The following OR14I1 variants were observed in gnomAD, a reference collection of about 807,000 sequenced individuals.
OR14I1 encodes olfactory receptor 14I1.
For synonymous variants in OR14I1, 118 were observed against 71.1 expected, an observed-to-expected ratio of 1.66 and a Z score of -3.32; for missense variants, 279 against 181.8, an observed-to-expected ratio of 1.53 and a Z score of -3.07.
At chr1:248,685,502 C>T (rs548695713), upstream of OR14I1, among the ~76,000 whole-genome samples, 13 of 152,224 alleles carry the variant, frequency 8.5e-5, no homozygotes, top group East Asian at 9.6e-4. Context: ...CCCGGGTTAG[C>T]TTGCTATCGG....
chr1:248,696,630 G>C, the OR14I1 span, among the ~76,000 whole-genome samples: 1 of 152,136 alleles, frequency 6.6e-6, no homozygotes, highest in African/African-American at 2.4e-5. Context: ...TTCTGTGTAA[G>C]TGTTTGGAAG....
the OR14I1 span, among the ~76,000 whole-genome samples, chr1:248,694,976 G>A: frequency 6.6e-6 from 1 of 152,116 alleles, no homozygotes; most frequent in African/African-American, 2.4e-5. Flanking sequence ...TGTGACTAAG[G>A]AACTGAATTT....
chr1:248,681,344 C>T, exon 1 of OR14I1: 10 of 637,610 alleles, frequency 1.6e-5, no homozygotes, highest in South Asian at 2.1e-5. Flanking sequence ...TGTTGCAGAT[C>T]TTCTATAGTA....
downstream of OR14I1, among the ~76,000 whole-genome samples, chr1:248,680,967 C>CGTGTGTGTGTGTGTGTGTGTGT (rs34495040): frequency 6.8e-6 from 1 of 147,108 alleles, no homozygotes; most frequent in African/African-American, 2.5e-5. Context: ...AAACTGTGTG[C>CGTGTGTGTGTGTGTGTGTGTGT]GTGTGTGTGT....
chr1:248,682,766 C>A (rs1029927708), upstream of OR14I1, among the ~76,000 whole-genome samples: 4 of 152,122 alleles, frequency 2.6e-5, no homozygotes, highest in Non-Finnish European at 5.9e-5. Context: ...ACATCCTGGG[C>A]AGAGTCAACT....
At chr1:248,686,629 A>G (rs1458397320), upstream of OR14I1, among the ~76,000 whole-genome samples, 1 of 149,506 alleles carries the variant, frequency 6.7e-6, no homozygotes, top group Non-Finnish European at 1.5e-5. Context: ...CTAAGAGAAC[A>G]ATTAAATCAC....
the OR14I1 span, chr1:248,698,817 AAGG>A: frequency 6.6e-6 from 1 of 152,352 alleles, no homozygotes; most frequent in East Asian, 1.9e-4. Flanking sequence ...GAGTATAAGG[AAGG>A]AGGAGGAGAG....
At chr1:248,682,029 A>G (rs774863224) in exon 1 of OR14I1, 4 of 780,950 alleles carry the variant, frequency 5.1e-6, no homozygotes, top group Non-Finnish European at 9.6e-6. Flanking sequence ...CACAGCCAAG[A>G]TAAGAGATGG....
At chr1:248,694,607 G>A in the OR14I1 span, among the ~76,000 whole-genome samples, 16 of 151,972 alleles carry the variant, frequency 1.1e-4, no homozygotes, top group South Asian at 4.1e-4. Flanking sequence ...GCCATATTCT[G>A]TCTATGGTGG....
At chr1:248,686,769 G>C (rs1661663092), upstream of OR14I1, among the ~76,000 whole-genome samples, 1 of 150,568 alleles carries the variant, frequency 6.6e-6, no homozygotes, top group South Asian at 2.1e-4. Flanking sequence ...GCAATACCTT[G>C]ATTAAATAAC....
the OR14I1 span, chr1:248,691,843 G>C: frequency 1.3e-5 from 2 of 152,354 alleles, no homozygotes; most frequent in Admixed American, 6.5e-5. Flanking sequence ...CGCAGCTGCC[G>C]GTCCAGCTGC....
the OR14I1 span, among the ~76,000 whole-genome samples, chr1:248,697,477 TAAAA>T: frequency 6.4e-3 from 811 of 127,666 alleles, 7 homozygotes; most frequent in African/African-American, 0.019. Flanking sequence ...TGGTTAGGTT[TAAAA>T]AAAAAAAAAA....
the OR14I1 span, among the ~76,000 whole-genome samples, chr1:248,691,473 G>C: frequency 6.6e-6 from 1 of 152,212 alleles, no homozygotes; most frequent in African/African-American, 2.4e-5. Context: ...CCTCAAAAAT[G>C]CTTAGACTAG....
chr1:248,702,182 G>A, the OR14I1 span, among the ~76,000 whole-genome samples: 8 of 151,950 alleles, frequency 5.3e-5, no homozygotes, highest in African/African-American at 1.7e-4. Flanking sequence ...CTTTCTCAAC[G>A]GTCCCCCAAG....
chr1:248,699,820 G>T, the OR14I1 span, among the ~76,000 whole-genome samples: 1 of 152,104 alleles, frequency 6.6e-6, no homozygotes, highest in Non-Finnish European at 1.5e-5. Flanking sequence ...GTGCAGTGGC[G>T]CAATCTCGGC....
At chr1:248,695,233 T>TG in the OR14I1 span, among the ~76,000 whole-genome samples, 25,010 of 143,526 alleles carry the variant, frequency 0.17, 2,695 homozygotes, top group African/African-American at 0.3. Flanking sequence ...GTATGCTTTT[T>TG]TTTTTTTTTT....
downstream of OR14I1, among the ~76,000 whole-genome samples, chr1:248,679,979 G>A (rs893065589): frequency 5.9e-5 from 9 of 152,158 alleles, no homozygotes; most frequent in African/African-American, 2.2e-4. Context: ...AATATTTAAT[G>A]TTTTAAATGT....
At chr1:248,690,825 C>T in the OR14I1 span, among the ~76,000 whole-genome samples, 27 of 151,668 alleles carry the variant, frequency 1.8e-4, no homozygotes, top group African/African-American at 6.5e-4. Flanking sequence ...CTGATGAACA[C>T]TGATGTGAAA....
downstream of OR14I1, among the ~76,000 whole-genome samples, chr1:248,680,395 G>A (rs1661538210): frequency 6.6e-6 from 1 of 152,180 alleles, no homozygotes; most frequent in Non-Finnish European, 1.5e-5. Flanking sequence ...ACTGCGATGG[G>A]CTAATGACAG....
Sources: allele counts gnomAD v4.1 joint callset (sites outside exome capture counted in the v4.1 genomes callset), GRCh38; gene constraint gnomAD v4.1.1; transcripts MANE v1.5; gene names NCBI Gene and HGNC (gene_info 2026-07-23, HGNC 2026-07-21).